Variants in HECTD2 observed in about 807,000 individuals in gnomAD.
HECTD2 encodes HECT domain E3 ubiquitin protein ligase 2.
Under a neutral mutation model 103.2 loss-of-function variants are expected in HECTD2, and 35 were observed. The ratio of observed to expected loss-of-function variants is 0.34; its 90% confidence interval spans 0.26 to 0.45. HECTD2 has a LOEUF of 0.45. Ranked by LOEUF, HECTD2 falls within the 20% of genes least tolerant of loss-of-function variation. The pLI is 1.00. For synonymous variants in HECTD2, 281 were observed against 329.9 expected (o/e 0.85, Z 1.61); for missense variants, 596 against 937.4 (o/e 0.64, Z 4.76).
intron 2 of HECTD2, among the ~76,000 whole-genome samples, chr10:91,454,738 G>T (rs1844998218): frequency 6.7e-6 from 1 of 149,702 alleles, no homozygotes; most frequent in African/African-American, 2.5e-5. Flanking sequence ...CCCCACAACA[G>T]GCCCCAGTGT....
rs1232443623 is a variant in HECTD2 at position 91,513,833 on chromosome 10, C to G, written c.*1449C>G. ...GCAGAATTCTTCCAGGGTGGAGGAA[C>G]TAATCAGCTTGTTCTCCAACAGTTC... On this transcript the variant is annotated 3_prime_UTR_variant, in exon 21 of 21. Coordinates refer to ENST00000298068, the MANE Select transcript of HECTD2 (RefSeq NM_182765.6). The G allele has an allele frequency of 6.6e-6, 1 of 152,592 alleles. No homozygotes were observed. The allele number at this position is 152,592 out of a possible 1,614,324, so 9.5% of individuals were successfully genotyped here.
intron 16 of HECTD2, 112 bp from the exon 17 acceptor site, chr10:91,498,760 T>C: frequency 8.0e-6 from 5 of 624,734 alleles, no homozygotes; most frequent in South Asian, 4.3e-5. Flanking sequence ...TTATAGTTTA[T>C]GTGTTTAGAA....
chr10:91,422,627 A>G (rs995176216), intron 1 of HECTD2, among the ~76,000 whole-genome samples: 1 of 152,206 alleles, frequency 6.6e-6, no homozygotes, highest in Non-Finnish European at 1.5e-5. Flanking sequence ...TAACCTGTTT[A>G]TATTTCATTT....
At chr10:91,480,342 G>A (rs1164321642) in intron 6 of HECTD2, among the ~76,000 whole-genome samples, 1 of 152,070 alleles carries the variant, frequency 6.6e-6, no homozygotes, top group Non-Finnish European at 1.5e-5. Flanking sequence ...ATCTTGAGCA[G>A]GCAAGAAAGA....
chr10:91,462,826 A>C (rs1845402682), intron 5 of HECTD2: 2 of 928,766 alleles, frequency 2.2e-6, no homozygotes, highest in African/African-American at 1.8e-5. Context: ...TTTGTGAAAA[A>C]TTGACATCTT....
chr10:91,505,793 T>A (rs1415996071), intron 20 of HECTD2, among the ~76,000 whole-genome samples: 2 of 152,042 alleles, frequency 1.3e-5, no homozygotes, highest in East Asian at 3.9e-4. Flanking sequence ...TCTACAGAAC[T>A]CTCCACCCCA....
Position 91,483,109 on chromosome 10 carries a change from A to T in HECTD2, c.821+33A>T, listed in dbSNP as rs565966676. The T allele has an allele frequency of 1.1e-5, 10 of 927,842 alleles. No individual in the cohort carries two copies. In the South Asian group the frequency reaches 1.3e-4, roughly 12 times the overall value. The allele number at this position is 927,842 out of a possible 1,614,324, so 57.5% of individuals were successfully genotyped here. A position where few individuals can be genotyped will look rare whatever the true frequency, so the allele number is the denominator to read the frequency against. ...ATTCTATGATATTAAGAACTTTTAT[A>T]GTCTCACAGTTTTAAGTTTGGTATT... On this transcript the variant is annotated intron_variant, in intron 8 of 20. Coordinates refer to ENST00000298068, the MANE Select transcript of HECTD2 (RefSeq NM_182765.6).
intron 20 of HECTD2, 57 bp from the exon 21 acceptor site, chr10:91,512,207 G>T: frequency 6.4e-7 from 1 of 1,572,632 alleles, no homozygotes; most frequent in Admixed American, 1.8e-5. Flanking sequence ...AAGTTGCATA[G>T]CAGTCATTTT....
chr10:91,431,790 T>G (rs905283817), intron 2 of HECTD2, among the ~76,000 whole-genome samples: 3 of 152,094 alleles, frequency 2.0e-5, no homozygotes, highest in Non-Finnish European at 2.9e-5. Flanking sequence ...TCTAAAATTT[T>G]TTCAAAGTTT....
Position 91,512,435 on chromosome 10 carries a change from T to A in HECTD2, c.*51T>A, listed in dbSNP as rs1433559506. The A allele has an allele frequency of 6.6e-7, 1 of 1,515,968 alleles. No homozygotes were observed. The highest frequency in any genetic ancestry group is 2.3e-5 in the East Asian group (1 of 44,154). The allele number at this position is 1,515,968 out of a possible 1,614,324, so 93.9% of individuals were successfully genotyped here. ...TTATATGTAGCATTCACTTCCCTCT[T>A]ACTGTGCCTTTAGCCTTTTCATGTT... On this transcript the variant is annotated 3_prime_UTR_variant, in exon 21 of 21. Transcript: ENST00000298068.
chr10:91,482,120 C>G (rs926046472), intron 7 of HECTD2, among the ~76,000 whole-genome samples: 2 of 151,760 alleles, frequency 1.3e-5, no homozygotes, highest in African/African-American at 4.8e-5. Context: ...GTATATTGGT[C>G]AGCCATAAGC....
chr10:91,499,085 A>G lies in HECTD2; in HGVS notation c.1885A>G (p.Ile629Val), dbSNP rs2133345039. The change falls in exon 18 of 21, where the codon ATC becomes GTC. Residue 629 changes from isoleucine (I) to valine (V), a missense_variant. Around this residue, in one of 4 missense-constraint regions of HECTD2, gnomAD observed 4 missense variants for 27.1 expected, o/e 0.15. Coordinates refer to ENST00000298068, the MANE Select transcript of HECTD2 (RefSeq NM_182765.6). Reference protein sequence around the residue: ...LYTDFLLNKSIYKQFAAFYYG... With the variant: ...LYTDFLLNKSVYKQFAAFYYG... Reference sequence around the variant, plus strand: ...TACTGACTTCCTTCTGAACAAATCCATCTATAAGCAGTTTGCTGCATTTTA... The same window carrying G: ...TACTGACTTCCTTCTGAACAAATCCGTCTATAAGCAGTTTGCTGCATTTTA... 1 of 1,613,172 alleles carries G rather than the reference A, an allele frequency of 6.2e-7. No individual in the cohort carries two copies. Among genetic ancestry groups the G allele is most frequent in the East Asian group, 2.2e-5 (1 of 44,742 alleles).
chr10:91,461,566 T>C (rs1216455450), intron 4 of HECTD2, among the ~76,000 whole-genome samples: 1 of 152,124 alleles, frequency 6.6e-6, no homozygotes, highest in African/African-American at 2.4e-5. Context: ...TGTTTTGTTT[T>C]GAGATGGAGT....
At chr10:91,492,301 T>C in intron 12 of HECTD2, 51 bp from the exon 13 acceptor site, 1 of 1,546,776 alleles carries the variant, frequency 6.5e-7, no homozygotes, top group East Asian at 2.2e-5. Flanking sequence ...AAATGTTAAT[T>C]CTCTTTTCAC....
chr10:91,432,006 ACTC>A (rs1843903413), intron 2 of HECTD2, among the ~76,000 whole-genome samples: 1 of 151,544 alleles, frequency 6.6e-6, no homozygotes, highest in Non-Finnish European at 1.5e-5. Context: ...TCTTATTAGA[ACTC>A]CTGGTACTGA....
At chr10:91,476,095 G>A (rs1453833669) in intron 5 of HECTD2, among the ~76,000 whole-genome samples, 1 of 152,228 alleles carries the variant, frequency 6.6e-6, no homozygotes, top group Non-Finnish European at 1.5e-5. Context: ...TGCCAGTGAT[G>A]TTAGTCTGCG....
rs1305627549 is a variant in HECTD2 at position 91,512,505 on chromosome 10, T to TAA, written c.*122_*123dup. On this transcript the variant is annotated 3_prime_UTR_variant, in exon 21 of 21. Transcript: ENST00000298068. ...ACAAAGCTCACCAACTTTAAAATATTAAGTTTTTAAAAAATCAAATATGAA... is the reference window on the plus strand; with the variant it reads ...ACAAAGCTCACCAACTTTAAAATATTAAAAGTTTTTAAAAAATCAAATATGAA... The TAA allele has an allele frequency of 1.1e-6, 1 of 934,552 alleles. No individual in the cohort carries two copies. Among genetic ancestry groups the TAA allele is most frequent in the Non-Finnish European group, 1.6e-6 (1 of 634,844 alleles). 57.9% of individuals were successfully genotyped at this position (934,552 alleles called of 1,614,324 possible).
intron 5 of HECTD2, among the ~76,000 whole-genome samples, chr10:91,474,199 T>G (rs1386795196): frequency 6.6e-6 from 1 of 151,384 alleles, no homozygotes; most frequent in Non-Finnish European, 1.5e-5. Context: ...AACTGGAGAG[T>G]AGGGGAATGG....
At chr10:91,433,665 C>T (rs553227581) in intron 2 of HECTD2, among the ~76,000 whole-genome samples, 3 of 151,986 alleles carry the variant, frequency 2.0e-5, no homozygotes, top group East Asian at 1.9e-4. Context: ...GTACATATGT[C>T]GCTTTGTTCA....
Sources: allele counts gnomAD v4.1 joint callset (sites outside exome capture counted in the v4.1 genomes callset), GRCh38; gene constraint gnomAD v4.1.1; regional missense constraint gnomAD v4.1.1; transcripts MANE v1.5; gene names NCBI Gene and HGNC (gene_info 2026-07-23, HGNC 2026-07-21).